Variants in NDST3 observed in about 807,000 individuals in gnomAD.
NDST3 encodes the protein bifunctional heparan sulfate N-deacetylase/N-sulfotransferase 3.
NDST3 carries 58 observed loss-of-function variants against 96.1 expected under a neutral mutation model. That is an observed-to-expected ratio of 0.60 (90% CI 0.49 to 0.75). NDST3 has a LOEUF of 0.75. NDST3 is among the 30% of genes least tolerant of loss of function. The pLI, the probability that NDST3 is intolerant of heterozygous loss-of-function variation, is 0.00. For missense variants in NDST3, 788 were observed against 1,034.2 expected (o/e 0.76, Z 3.27); for synonymous variants, 333 against 359.7 (o/e 0.93, Z 0.84).
At chr4:118,132,499 C>T (rs1732717120) in intron 4 of NDST3, among the ~76,000 whole-genome samples, 1 of 152,178 alleles carries the variant, frequency 6.6e-6, no homozygotes, top group Admixed American at 6.5e-5. Flanking sequence ...TCCGGAAATG[C>T]TGTTCAAGAG....
At chr4:118,251,125 A>ATTTTTTTTTTT (rs370800744) in intron 12 of NDST3, among the ~76,000 whole-genome samples, 1 of 111,742 alleles carries the variant, frequency 8.9e-6, no homozygotes, top group Admixed American at 1.0e-4. Flanking sequence ...TATTATTTTT[A>ATTTTTTTTTTT]TTTTATTTTT....
chr4:118,054,183 T>C lies in NDST3; in HGVS notation c.273T>C (p.Leu91=), dbSNP rs780533229. 11 of 1,613,130 alleles carry C rather than the reference T, an allele frequency of 6.8e-6. No homozygotes were observed. The highest frequency in any genetic ancestry group is 9.3e-6 in the Non-Finnish European group (11 of 1,179,412). The change falls in exon 2 of 14, where the codon CTT becomes CTC. Residue 91 remains leucine, a synonymous_variant. Coordinates refer to ENST00000296499, the MANE Select transcript of NDST3 (RefSeq NM_004784.3). Reference sequence around the variant, plus strand: ...TTGTAGAGAGCCAGTACTCATCTCTTGGTCAAGACATCATTATGATTCTAG... The same window carrying C: ...TTGTAGAGAGCCAGTACTCATCTCTCGGTCAAGACATCATTATGATTCTAG... ...LVFVESQYSS[L]GQDIIMILES...
intron 12 of NDST3, among the ~76,000 whole-genome samples, chr4:118,250,058 T>A (rs1287039133): frequency 6.6e-6 from 1 of 152,232 alleles, no homozygotes; most frequent in Non-Finnish European, 1.5e-5. Context: ...TTTATTGTTA[T>A]ATATTACTCC....
intron 2 of NDST3, among the ~76,000 whole-genome samples, chr4:118,091,959 T>C (rs1728905342): frequency 6.6e-6 from 1 of 151,726 alleles, no homozygotes; most frequent in Non-Finnish European, 1.5e-5. Flanking sequence ...GATACAGCAT[T>C]AAAATTTTAT....
intron 6 of NDST3, among the ~76,000 whole-genome samples, chr4:118,148,254 C>T (rs746631388): frequency 7.2e-5 from 11 of 152,212 alleles, no homozygotes; most frequent in South Asian, 2.1e-4. Context: ...GCCAAGATCA[C>T]GCCACTGCAC....
intron 2 of NDST3, among the ~76,000 whole-genome samples, chr4:118,084,841 C>T (rs1429935936): frequency 1.3e-5 from 2 of 152,114 alleles, no homozygotes; most frequent in Non-Finnish European, 2.9e-5. Flanking sequence ...CTGGAATGGG[C>T]CAAGCGCGGT....
chr4:118,216,994 T>A (rs996520663), intron 6 of NDST3, among the ~76,000 whole-genome samples: 2 of 152,056 alleles, frequency 1.3e-5, no homozygotes, highest in African/African-American at 4.8e-5. Flanking sequence ...AAAACAAGTA[T>A]GTTTAAAAAG....
chr4:118,149,758 G>C lies in NDST3; in HGVS notation c.1539+6074G>C, dbSNP rs1734244321. Reference sequence around the variant, plus strand: ...TGAATACCCTTTATTTCCTTCTCCTGCCTAATTGCCCTGGCCAGAACTTCC... The same window carrying C: ...TGAATACCCTTTATTTCCTTCTCCTCCCTAATTGCCCTGGCCAGAACTTCC... On this transcript the variant is annotated intron_variant, in intron 6 of 13. Coordinates refer to ENST00000296499, the MANE Select transcript of NDST3 (RefSeq NM_004784.3). Among the ~76,000 whole-genome samples the C allele has an allele frequency of 5.9e-5, 9 of 151,430 alleles. No homozygotes were observed. The South Asian group carries it at 1.9e-3, about 32-fold the overall frequency.
intron 6 of NDST3, among the ~76,000 whole-genome samples, chr4:118,186,973 G>A (rs1737002934): frequency 6.6e-6 from 1 of 152,162 alleles, no homozygotes; most frequent in Non-Finnish European, 1.5e-5. Context: ...CAGCACATGA[G>A]GGAGACTACT....
At chr4:118,119,179 C>T (rs1230274210) in intron 4 of NDST3, among the ~76,000 whole-genome samples, 1 of 152,116 alleles carries the variant, frequency 6.6e-6, no homozygotes, top group Non-Finnish European at 1.5e-5. Flanking sequence ...CCAAGTGCAG[C>T]AGAACCTGTT....
At chr4:118,177,273 T>C (rs1367454702) in intron 6 of NDST3, among the ~76,000 whole-genome samples, 1 of 151,994 alleles carries the variant, frequency 6.6e-6, no homozygotes, top group African/African-American at 2.4e-5. Context: ...TAAAGACAGC[T>C]TAGGAAGGTT....
intron 2 of NDST3, among the ~76,000 whole-genome samples, chr4:118,086,832 T>C (rs888233280): frequency 2.0e-5 from 3 of 152,160 alleles, no homozygotes; most frequent in Non-Finnish European, 4.4e-5. Context: ...GGAAAGATTA[T>C]ACATATATTA....
chr4:118,188,137 A>G (rs1247646768), intron 6 of NDST3, among the ~76,000 whole-genome samples: 6 of 151,992 alleles, frequency 3.9e-5, no homozygotes, highest in African/African-American at 1.4e-4. Flanking sequence ...TCCCTCTATA[A>G]ATGTTTAAAT....
At chr4:118,177,889 GAAT>G (rs1488291305) in intron 6 of NDST3, among the ~76,000 whole-genome samples, 4 of 151,854 alleles carry the variant, frequency 2.6e-5, no homozygotes, top group Admixed American at 2.6e-4. Flanking sequence ...TCTGCAGGAA[GAAT>G]AATCCTGGAA....
chr4:118,146,561 C>G (rs1207360457), intron 6 of NDST3, among the ~76,000 whole-genome samples: 3 of 151,924 alleles, frequency 2.0e-5, no homozygotes, highest in South Asian at 2.1e-4. Flanking sequence ...GGTAAAAAAA[C>G]CGTTAAACAG....
chr4:118,074,548 A>C (rs1005302216), intron 2 of NDST3, among the ~76,000 whole-genome samples: 8 of 152,110 alleles, frequency 5.3e-5, no homozygotes, highest in Admixed American at 1.3e-4. Context: ...GTTTTGTCTG[A>C]AAGAAGGATA....
At chr4:118,230,896 T>G (rs1478834094) in intron 8 of NDST3, among the ~76,000 whole-genome samples, 1 of 152,220 alleles carries the variant, frequency 6.6e-6, no homozygotes, top group Non-Finnish European at 1.5e-5. Context: ...TAACAATTTT[T>G]CTATTGTATA....
chr4:118,146,065 T>A (rs984187218), intron 6 of NDST3, among the ~76,000 whole-genome samples: 1 of 152,194 alleles, frequency 6.6e-6, no homozygotes, highest in African/African-American at 2.4e-5. Context: ...ATCCTGAAAT[T>A]AAGTGCTTGG....
rs191340087 is a variant in NDST3, at chr4:118,125,701, C to T, written c.1224+10741C>T. 3.3e-5 allele frequency among the ~76,000 whole-genome samples: 5 copies of T among 152,148 alleles called. No homozygotes were observed. In the East Asian group the frequency reaches 9.6e-4, roughly 29 times the overall value. ...GAATTATAAACCTGGACTTTAGTGA[C>T]TACTTGTACAACCCCTTTATTTTAC... On this transcript the variant is annotated intron_variant, in intron 4 of 13. Transcript: ENST00000296499.
Sources: allele counts gnomAD v4.1 joint callset (sites outside exome capture counted in the v4.1 genomes callset), GRCh38; gene constraint gnomAD v4.1.1; transcripts MANE v1.5; gene names NCBI Gene and HGNC (gene_info 2026-07-23, HGNC 2026-07-21).